Variants in ERP44 observed in about 807,000 individuals in gnomAD.
ERP44 encodes endoplasmic reticulum protein 44.
In ERP44, 25 loss-of-function variants were observed where a neutral mutation model predicts 53.4. The ratio of observed to expected loss-of-function variants is 0.47; its 90% CI spans 0.34 to 0.65. The LOEUF is 0.65. Among genes scored for constraint, ERP44 ranks in the 30% least tolerant of loss-of-function variants. The probability of loss-of-function intolerance (pLI) is 0.01; values close to 1 mark genes in which losing one functional copy is unlikely to be tolerated. For missense variants in ERP44, 338 were observed against 493.2 expected (o/e 0.69, Z 2.98); for synonymous variants, 145 against 161.2 (o/e 0.90, Z 0.76).
chr9:100,094,172 G>A (rs1209737123), intron 1 of ERP44, among the ~76,000 whole-genome samples: 1 of 151,808 alleles, frequency 6.6e-6, no homozygotes, highest in Non-Finnish European at 1.5e-5. Context: ...AAAAGAAATA[G>A]GCAAAATTTC....
chr9:100,060,180 T>A lies in ERP44; in HGVS notation c.58-8A>T, dbSNP rs1054335592. On this transcript the variant is annotated splice_region_variant and splice_polypyrimidine_tract_variant and intron_variant, in intron 1 of 11. Coordinates refer to ENST00000262455, the MANE Select transcript of ERP44 (RefSeq NM_015051.3). ...AGTAAAAACCCAAGTTACCTGAAAA[T>A]TTAAAAAATGAGAAATTAATAAATG... 10 of 1,494,616 alleles carry A rather than the reference T, an allele frequency of 6.7e-6. No individual in the cohort carries two copies. Among genetic ancestry groups the A allele is most frequent in the Non-Finnish European group, 8.9e-6 (10 of 1,124,662 alleles). The allele number at this position is 1,494,616 out of a possible 1,614,324, so 92.6% of individuals were successfully genotyped here.
chr9:99,998,043 G>A (rs1233974385), intron 10 of ERP44, among the ~76,000 whole-genome samples: 2 of 152,192 alleles, frequency 1.3e-5, no homozygotes, highest in East Asian at 1.9e-4. Context: ...TCCAATGGAA[G>A]TCATTTTCTG....
Position 100,064,597 on chromosome 9 carries a change from G to T in ERP44, c.58-4425C>A, listed in dbSNP as rs547345181. 2.6e-5 allele frequency among the ~76,000 whole-genome samples: 4 copies of T among 152,270 alleles called. No homozygotes were observed. The East Asian group carries it at 7.7e-4, about 29-fold the overall frequency. On this transcript the variant is annotated intron_variant, in intron 1 of 11. Transcript: ENST00000262455. Reference sequence around the variant, plus strand: ...CCCTCTACATCACTACTTAACAGTTGGTTCCCCCAGCTGTTCTTTGGTACG... The same window carrying T: ...CCCTCTACATCACTACTTAACAGTTTGTTCCCCCAGCTGTTCTTTGGTACG...
intron 4 of ERP44, among the ~76,000 whole-genome samples, chr9:100,039,560 A>G (rs540475551): frequency 6.6e-6 from 1 of 152,186 alleles, no homozygotes; most frequent in East Asian, 1.9e-4. Context: ...TTATGGCTAC[A>G]TCAAAAAATA....
chr9:100,004,181 T>A (rs1157853983), intron 10 of ERP44, among the ~76,000 whole-genome samples: 2 of 152,110 alleles, frequency 1.3e-5, no homozygotes, highest in Non-Finnish European at 2.9e-5. Flanking sequence ...CTGCAAAGTC[T>A]AGCCTGGGTC....
At chr9:100,010,895 C>T (rs1198645638) in intron 8 of ERP44, among the ~76,000 whole-genome samples, 1 of 127,222 alleles carries the variant, frequency 7.9e-6, no homozygotes. Flanking sequence ...GAGCGAAACT[C>T]CATCTCAAAA....
chr9:99,992,518 T>A (rs1315328858), intron 10 of ERP44, among the ~76,000 whole-genome samples: 1 of 152,158 alleles, frequency 6.6e-6, no homozygotes, highest in African/African-American at 2.4e-5. Flanking sequence ...AACGTATCTC[T>A]AAATAATAAG....
intron 4 of ERP44, among the ~76,000 whole-genome samples, chr9:100,025,012 C>G (rs1030734389): frequency 6.6e-6 from 1 of 152,030 alleles, no homozygotes. Flanking sequence ...CCCATAGCCC[C>G]GGCTATGGTA....
At chr9:100,039,725 G>A (rs1225950824) in intron 4 of ERP44, among the ~76,000 whole-genome samples, 1 of 151,714 alleles carries the variant, frequency 6.6e-6, no homozygotes, top group Non-Finnish European at 1.5e-5. Flanking sequence ...AAAAGCACAG[G>A]TAACAAAAAG....
At chr9:100,043,747 T>A (rs1315565546) in intron 4 of ERP44, among the ~76,000 whole-genome samples, 1 of 151,698 alleles carries the variant, frequency 6.6e-6, no homozygotes, top group African/African-American at 2.4e-5. Flanking sequence ...AGAGCAAGAC[T>A]CTGTCTCAAA....
At chr9:100,035,134 T>C (rs1259085370) in intron 4 of ERP44, among the ~76,000 whole-genome samples, 2 of 152,132 alleles carry the variant, frequency 1.3e-5, no homozygotes, top group Non-Finnish European at 2.9e-5. Context: ...TAAGAAAACC[T>C]AGGAAATACC....
intron 1 of ERP44, among the ~76,000 whole-genome samples, chr9:100,086,588 A>G (rs1258966318): frequency 6.6e-6 from 1 of 152,232 alleles, no homozygotes; most frequent in Non-Finnish European, 1.5e-5. Context: ...TGTCCTTTAC[A>G]TACATTATAT....
chr9:100,015,083 T>C (rs1002109335), intron 8 of ERP44, among the ~76,000 whole-genome samples: 3 of 152,206 alleles, frequency 2.0e-5, no homozygotes, highest in African/African-American at 7.2e-5. Flanking sequence ...CTCCATCTCA[T>C]GAATGGAGGA....
chr9:99,985,593 G>A lies in ERP44; in HGVS notation c.1017-524C>T, dbSNP rs185146844. 3.3e-5 allele frequency among the ~76,000 whole-genome samples: 5 copies of A among 152,300 alleles called. No individual in the cohort carries two copies. In the East Asian group the frequency reaches 9.6e-4, roughly 29 times the overall value. On this transcript the variant is annotated intron_variant, in intron 10 of 11. Coordinates refer to ENST00000262455, the MANE Select transcript of ERP44 (RefSeq NM_015051.3). ...AGTGTCAACCAGGTGATCCTCTGCA[G>A]CCTTAACGTAAAGCTTGTGAGCCTA...
chr9:100,073,098 G>A (rs975417555), intron 1 of ERP44, among the ~76,000 whole-genome samples: 4 of 152,094 alleles, frequency 2.6e-5, no homozygotes, highest in Non-Finnish European at 5.9e-5. Flanking sequence ...ATTTGGATCT[G>A]GTAACAGTTC....
intron 6 of ERP44, among the ~76,000 whole-genome samples, chr9:100,019,012 T>C (rs1830555412): frequency 1.3e-5 from 2 of 152,188 alleles, no homozygotes; most frequent in African/African-American, 4.8e-5. Context: ...CAAAACTCTC[T>C]CTCTCATGGA....
Position 99,981,657 on chromosome 9 carries a change from G to T in ERP44, c.*955C>A, listed in dbSNP as rs563946568. On this transcript the variant is annotated 3_prime_UTR_variant, in exon 12 of 12. Coordinates refer to ENST00000262455, the MANE Select transcript of ERP44 (RefSeq NM_015051.3). ...GGGGAAATCAGGGAATCTAGAGGGGGTAGGGTCCTCTAACCATTTTATAAT... is the reference window on the plus strand; with the variant it reads ...GGGGAAATCAGGGAATCTAGAGGGGTTAGGGTCCTCTAACCATTTTATAAT... 1 of 152,570 alleles carries T rather than the reference G, an allele frequency of 6.6e-6. No individual in the cohort carries two copies. Among genetic ancestry groups the T allele is most frequent in the East Asian group, 1.9e-4 (1 of 5,206 alleles). 9.5% of individuals were successfully genotyped at this position (152,570 alleles called of 1,614,324 possible). A position where few individuals can be genotyped will look rare whatever the true frequency, so the allele number is the denominator to read the frequency against.
chr9:99,999,949 T>C (rs968923592), intron 10 of ERP44, among the ~76,000 whole-genome samples: 8 of 152,208 alleles, frequency 5.3e-5, no homozygotes, highest in Non-Finnish European at 1.0e-4. Context: ...AGACTCTCTT[T>C]TCTCTCTCTT....
intron 3 of ERP44, among the ~76,000 whole-genome samples, chr9:100,053,753 G>T (rs1450868370): frequency 2.6e-5 from 4 of 152,154 alleles, no homozygotes; most frequent in African/African-American, 9.7e-5. Context: ...CAATAAGAAG[G>T]GGAAGAATCA....
Sources: allele counts gnomAD v4.1 joint callset (sites outside exome capture counted in the v4.1 genomes callset), GRCh38; gene constraint gnomAD v4.1.1; transcripts MANE v1.5; gene names NCBI Gene and HGNC (gene_info 2026-07-23, HGNC 2026-07-21).